Variants in TCF7L1 observed in about 807,000 individuals in gnomAD.
TCF7L1 encodes transcription factor 7 like 1, also known as transcription factor 7-like 1.
In TCF7L1, 18 loss-of-function variants were observed where a neutral mutation model predicts 63.7. That is an observed-to-expected ratio of 0.28 (90% CI 0.20 to 0.42). The LOEUF (loss-of-function observed/expected upper bound fraction) is 0.42. Ranked by LOEUF, TCF7L1 falls within the 10% of genes least tolerant of loss-of-function variation. The pLI, the probability that TCF7L1 is intolerant of heterozygous loss-of-function variation, is 1.00. For missense variants in TCF7L1, 654 were observed against 779.3 expected (o/e 0.84, Z 1.91); for synonymous variants, 355 against 340.9 (o/e 1.04, Z -0.46).
chr2:85,192,623 T>A (rs1483435620), intron 3 of TCF7L1, among the ~76,000 whole-genome samples: 1 of 152,048 alleles, frequency 6.6e-6, no homozygotes, highest in African/African-American at 2.4e-5. Context: ...CCTCAGGTGA[T>A]CCATCTGCCT....
At chr2:85,157,054 C>A (rs1166476731) in intron 3 of TCF7L1, among the ~76,000 whole-genome samples, 1 of 152,164 alleles carries the variant, frequency 6.6e-6, no homozygotes, top group African/African-American at 2.4e-5. Context: ...GGCTGAGAAT[C>A]CCTGGTGTAC....
At chr2:85,185,960 A>ATT (rs67142055) in intron 3 of TCF7L1, among the ~76,000 whole-genome samples, 4,762 of 94,534 alleles carry the variant, frequency 0.05, 439 homozygotes, top group African/African-American at 0.16. Flanking sequence ...AACACAGGGG[A>ATT]TTTTTTTTTT....
chr2:85,262,011 C>G (rs751955774), intron 3 of TCF7L1: 1 of 516,190 alleles, frequency 1.9e-6, no homozygotes, highest in Non-Finnish European at 3.8e-6. Context: ...GTATCCTTCT[C>G]AACAATTTCT....
At chr2:85,184,859 GC>G (rs1370125133) in intron 3 of TCF7L1, among the ~76,000 whole-genome samples, 5 of 152,174 alleles carry the variant, frequency 3.3e-5, no homozygotes, top group Non-Finnish European at 7.3e-5. Context: ...GGCGGGCTGG[GC>G]TGTCACATGA....
intron 4 of TCF7L1, among the ~76,000 whole-genome samples, chr2:85,300,290 T>C (rs1681939308): frequency 6.6e-6 from 1 of 152,236 alleles, no homozygotes; most frequent in Non-Finnish European, 1.5e-5. Context: ...AGTCACCCTT[T>C]AGACAAAGCT....
rs1205258986 is a variant in TCF7L1 at position 85,144,745 on chromosome 2, G to GTT, written c.441+10296_441+10297insTT. Among the ~76,000 whole-genome samples, 19 of 148,588 alleles carry GTT rather than the reference G, an allele frequency of 1.3e-4. No individual in the cohort carries two copies. The South Asian group carries it at 3.0e-3, about 23-fold the overall frequency. ...TGTGTGTGTGTGTGTGTGTGTGTGT[G>GTT]TGTGTATGTGTGTGTGTGTGTATGT... On this transcript the variant is annotated intron_variant, in intron 3 of 11. Coordinates refer to ENST00000282111, the MANE Select transcript of TCF7L1 (RefSeq NM_031283.3).
intron 3 of TCF7L1, among the ~76,000 whole-genome samples, chr2:85,213,184 T>TGGAC (rs1224511933): frequency 6.6e-6 from 1 of 151,950 alleles, no homozygotes; most frequent in East Asian, 1.9e-4. Context: ...GGTGCATGAA[T>TGGAC]GGACCCCAGC....
chr2:85,136,474 T>C (rs995361993), intron 3 of TCF7L1, among the ~76,000 whole-genome samples: 4 of 150,786 alleles, frequency 2.7e-5, no homozygotes, highest in African/African-American at 1.0e-4. Flanking sequence ...AGCCAACCTT[T>C]CGTCTCTGCA....
At chr2:85,286,378 A>C (rs1471455072) in intron 4 of TCF7L1, among the ~76,000 whole-genome samples, 1 of 151,948 alleles carries the variant, frequency 6.6e-6, no homozygotes, top group African/African-American at 2.4e-5. Flanking sequence ...AAACAAAAAA[A>C]AAAACTAACA....
chr2:85,265,106 G>T (rs1680937029), intron 3 of TCF7L1, among the ~76,000 whole-genome samples: 1 of 152,166 alleles, frequency 6.6e-6, no homozygotes, highest in Admixed American at 6.5e-5. Context: ...TGTTTAATGG[G>T]TAAGTGGGTG....
At chr2:85,263,034 G>A (rs964336242) in intron 3 of TCF7L1, among the ~76,000 whole-genome samples, 10 of 152,214 alleles carry the variant, frequency 6.6e-5, no homozygotes, top group African/African-American at 2.4e-4. Context: ...GTGCAACTGG[G>A]GAAAGCTGCG....
chr2:85,307,250 C>T (rs1682136819), intron 10 of TCF7L1, among the ~76,000 whole-genome samples: 1 of 152,208 alleles, frequency 6.6e-6, no homozygotes, highest in Non-Finnish European at 1.5e-5. Context: ...CCAATTTTCG[C>T]ATGCGTGTTC....
chr2:85,273,349 T>TAGTGG (rs1681197738), intron 3 of TCF7L1, among the ~76,000 whole-genome samples: 1 of 152,186 alleles, frequency 6.6e-6, no homozygotes. Flanking sequence ...TCCAGCAGAT[T>TAGTGG]ATGTGCCCCA....
In TCF7L1 at chr2:85,306,121, C is replaced by T. The variant is rs1312475135; in HGVS notation, c.990-85C>T. ...GGCAGCCCGCGCCCCTCCCCAGAGA[C>T]AATCAGCGGTGTTTCAGTGACAGGT... On this transcript the variant is annotated intron_variant, in intron 8 of 11. Transcript: ENST00000282111. The surrounding 1 kb of genome is among the most constrained non-coding windows in gnomAD (Gnocchi z 4.3). 1.7e-5 allele frequency: 27 copies of T among 1,556,766 alleles called. No homozygotes were observed. The highest frequency in any genetic ancestry group is 2.3e-5 in the Non-Finnish European group (26 of 1,139,150).
In TCF7L1 at chr2:85,306,016, A is replaced by G. The variant is rs892518079; in HGVS notation, c.990-190A>G. ...GATTTTCAAAGAATCTGGCGTGGAG[A>G]TCGTTCAAAGGTGGGAAACTACGGG... is the stretch of plus-strand genomic sequence containing the variant. On this transcript the variant is annotated intron_variant, in intron 8 of 11. Transcript: ENST00000282111. The surrounding 1 kb of genome is among the most constrained non-coding windows in gnomAD (Gnocchi z 4.3). Among the ~76,000 whole-genome samples the G allele has an allele frequency of 1.3e-5, 2 of 152,108 alleles. No homozygotes were observed. Among genetic ancestry groups the G allele is most frequent in the Non-Finnish European group, 2.9e-5 (2 of 68,014 alleles).
intron 4 of TCF7L1, among the ~76,000 whole-genome samples, chr2:85,287,975 G>C (rs1681602968): frequency 6.6e-6 from 1 of 152,144 alleles, no homozygotes; most frequent in Non-Finnish European, 1.5e-5. Flanking sequence ...TAGAGTCGTT[G>C]TGCGAAAATG....
intron 3 of TCF7L1, among the ~76,000 whole-genome samples, chr2:85,249,375 T>A (rs2104333536): frequency 6.6e-6 from 1 of 152,340 alleles, no homozygotes. Flanking sequence ...CGACACCAGT[T>A]TTTGATTGTT....
chr2:85,308,535 C>T (rs1682195886), intron 11 of TCF7L1, among the ~76,000 whole-genome samples: 1 of 140,490 alleles, frequency 7.1e-6, no homozygotes. Context: ...TCCTTCCGCC[C>T]TCCCTTTCTC....
rs751193885 is a variant in TCF7L1 at position 85,133,995 on chromosome 2, G to T, written c.250-21G>T. ...GCCCTGCGTCCGCTCACCCGCTCTTGCCTTTGTGTCTCCTCCGCAGGCGGA... is the reference window on the plus strand; with the variant it reads ...GCCCTGCGTCCGCTCACCCGCTCTTTCCTTTGTGTCTCCTCCGCAGGCGGA... On this transcript the variant is annotated intron_variant, in intron 1 of 11. Coordinates refer to ENST00000282111, the MANE Select transcript of TCF7L1 (RefSeq NM_031283.3). The surrounding 1 kb of genome is among the most constrained non-coding windows in gnomAD (Gnocchi z 4.4). The T allele has an allele frequency of 6.2e-7, 1 of 1,607,482 alleles. No homozygotes were observed. Among genetic ancestry groups the T allele is most frequent in the South Asian group, 1.1e-5 (1 of 90,228 alleles).
Sources: gnomAD v4.1 joint callset for allele counts (sites outside exome capture counted in the v4.1 genomes callset) on GRCh38, gnomAD v4.1.1 for gene constraint, Gnocchi (gnomAD v3.1) non-coding constraint, MANE v1.5 for transcripts, NCBI Gene and HGNC (gene_info 2026-07-23, HGNC 2026-07-21) for gene names.